EIF3B: variants seen among roughly 807,000 people sequenced by gnomAD.
EIF3B encodes eukaryotic translation initiation factor 3 subunit B.
In EIF3B, 10 loss-of-function variants were observed where a neutral mutation model predicts 104.6. That is an observed-to-expected ratio of 0.10 (90% CI 0.06 to 0.16). The LOEUF (loss-of-function observed/expected upper bound fraction) is 0.16. Ranked by LOEUF, EIF3B falls within the 10% of genes least tolerant of loss-of-function variation. The pLI, the probability that EIF3B is intolerant of heterozygous loss-of-function variation, is 1.00. For missense variants in EIF3B, 1,014 were observed against 1,087.9 expected (o/e 0.93, Z 0.96); for synonymous variants, 542 against 417.2 (o/e 1.30, Z -3.65).
At position 2,355,268 on chromosome 7, in the gene EIF3B, G is replaced by A. The variant is rs1400912902; in HGVS notation, c.347G>A (p.Arg116His). The A allele has an allele frequency of 8.5e-6, 13 of 1,531,752 alleles. No homozygotes were observed. Among genetic ancestry groups the A allele is most frequent in the African/African-American group, 1.4e-5 (1 of 72,290 alleles). The allele number at this position is 1,531,752 out of a possible 1,614,324, so 94.9% of individuals were successfully genotyped here. A position where few individuals can be genotyped will look rare whatever the true frequency, so the allele number is the denominator to read the frequency against. Residue 116 changes from arginine (R) to histidine (H), a missense_variant, in exon 1 of 19, where the codon CGC (arginine) becomes CAC (histidine). By Grantham distance (29) the Arg-to-His change is conservative. Coordinates refer to ENST00000360876, the MANE Select transcript of EIF3B (RefSeq NM_001037283.2). Reference protein sequence around the residue: ...EAPGEQARDERSDSRAQAVSE... With the variant: ...EAPGEQARDEHSDSRAQAVSE... ...CCAGGAGAGCAGGCTCGGGACGAGC[G>A]CTCCGACAGCCGGGCCCAGGCGGTG...
chr7:2,369,916 A>G (rs1347554366), intron 10 of EIF3B, among the ~76,000 whole-genome samples: 1 of 151,450 alleles, frequency 6.6e-6, no homozygotes. Flanking sequence ...AGCTGGGACT[A>G]TAGGCGTCCA....
intron 10 of EIF3B, among the ~76,000 whole-genome samples, chr7:2,370,568 C>T (rs1583170853): frequency 2.0e-5 from 3 of 152,112 alleles, no homozygotes; most frequent in South Asian, 4.1e-4. Flanking sequence ...ACATGTAGTT[C>T]ACATGCCTGA....
chr7:2,366,135 G>T (rs956904188), intron 6 of EIF3B, among the ~76,000 whole-genome samples, 182 bp from the exon 7 acceptor site: 1 of 152,130 alleles, frequency 6.6e-6, no homozygotes, highest in Non-Finnish European at 1.5e-5. Flanking sequence ...GCAGCGTATT[G>T]ACACCAGAAT....
At chr7:2,375,718 GAGC>G (rs1441992987) in intron 14 of EIF3B, among the ~76,000 whole-genome samples, 191 bp downstream of exon 14, 1 of 152,176 alleles carries the variant, frequency 6.6e-6, no homozygotes, top group Non-Finnish European at 1.5e-5. Context: ...CCGAGTGCAG[GAGC>G]AGCCCCTGCT....
chr7:2,364,433 A>G lies in EIF3B; in HGVS notation c.1061A>G (p.Gln354Arg), dbSNP rs764542868. The change falls in exon 6 of 19, where the codon CAA becomes CGA. Residue 354 changes from glutamine to arginine, a missense_variant. Transcript: ENST00000360876. Reference protein sequence around the residue: ...PKGTYLATFHQRGIALWGGEK... With the variant: ...PKGTYLATFHRRGIALWGGEK... ...GGCACCTACCTGGCTACCTTTCATCAAAGAGGCATTGCTCTATGGGGGGGA... is the reference window on the plus strand; with the variant it reads ...GGCACCTACCTGGCTACCTTTCATCGAAGAGGCATTGCTCTATGGGGGGGA... 3 of 1,613,318 alleles carry G rather than the reference A, an allele frequency of 1.9e-6. No homozygotes were observed. The highest frequency in any genetic ancestry group is 1.3e-5 in the African/African-American group (1 of 75,012).
chr7:2,375,413 G>A lies in EIF3B; in HGVS notation c.1914G>A (p.Val638=), dbSNP rs1457597804. The change falls in exon 14 of 19, where the codon GTG becomes GTA. Residue 638 remains valine (V), a synonymous_variant. Coordinates refer to ENST00000360876, the MANE Select transcript of EIF3B (RefSeq NM_001037283.2). The part of the protein sequence containing the change: ...LRSMNGALAF[V]DTSDCTVMNI... Reference sequence around the variant, plus strand: ...GTATGAACGGTGCCTTAGCGTTTGTGGACACTTCGGACTGCACGGTCATGA... The same window carrying A: ...GTATGAACGGTGCCTTAGCGTTTGTAGACACTTCGGACTGCACGGTCATGA... 6.2e-7 allele frequency: 1 copy of A among 1,614,158 alleles called. No individual in the cohort carries two copies. Among genetic ancestry groups the A allele is most frequent in the Admixed American group, 1.7e-5 (1 of 60,024 alleles).
At chr7:2,367,550 A>C (rs1002830591) in intron 9 of EIF3B, among the ~76,000 whole-genome samples, 1 of 151,880 alleles carries the variant, frequency 6.6e-6, no homozygotes, top group Non-Finnish European at 1.5e-5. Flanking sequence ...GCTCGCTGCA[A>C]CCTCCACCTC....
chr7:2,375,715 C>G (rs1780595080), intron 14 of EIF3B, among the ~76,000 whole-genome samples, 188 bp downstream of exon 14: 1 of 152,148 alleles, frequency 6.6e-6, no homozygotes, highest in African/African-American at 2.4e-5. Flanking sequence ...GCGCCGAGTG[C>G]AGGAGCAGCC....
intron 3 of EIF3B, 116 bp from the exon 4 acceptor site, chr7:2,362,954 A>C (rs1779819157): frequency 1.4e-6 from 2 of 1,454,098 alleles, no homozygotes; most frequent in East Asian, 4.6e-5. Flanking sequence ...CTGTTATGCC[A>C]GTCACAGCCC....
intron 10 of EIF3B, 81 bp downstream of exon 10, chr7:2,369,763 GGA>G: frequency 1.6e-6 from 1 of 632,184 alleles, no homozygotes; most frequent in Non-Finnish European, 2.5e-6. Flanking sequence ...GGGTGTTAAT[GGA>G]TTTTTTTTTT....
At chr7:2,368,154 C>A (rs973059168) in intron 9 of EIF3B, among the ~76,000 whole-genome samples, 3 of 151,348 alleles carry the variant, frequency 2.0e-5, no homozygotes, top group African/African-American at 7.3e-5. Flanking sequence ...ATTTTTAAAT[C>A]TTTTTTGAGA....
At chr7:2,374,775 A>G (rs989367142) in intron 13 of EIF3B, 169 bp downstream of exon 13, 17 of 581,238 alleles carry the variant, frequency 2.9e-5, no homozygotes, top group Non-Finnish European at 4.5e-5. Flanking sequence ...GACCCACGGT[A>G]CTCCAGGACT....
chr7:2,356,459 G>A (rs1425076613), intron 1 of EIF3B, among the ~76,000 whole-genome samples: 1 of 152,086 alleles, frequency 6.6e-6, no homozygotes, highest in South Asian at 2.1e-4. Flanking sequence ...AAAATTAGCC[G>A]GGCGTGGTGG....
intron 5 of EIF3B, among the ~76,000 whole-genome samples, chr7:2,364,057 T>A (rs1583159632): frequency 6.6e-6 from 1 of 152,046 alleles, no homozygotes; most frequent in Admixed American, 6.6e-5. Context: ...GTCAGGAGAT[T>A]GAGACCATCC....
In EIF3B at chr7:2,362,687, T is replaced by C. The variant is rs756024372; in HGVS notation, c.735T>C (p.Asp245=). 2 of 1,614,118 alleles carry C rather than the reference T, an allele frequency of 1.2e-6. No homozygotes were observed. Among genetic ancestry groups the C allele is most frequent in the African/African-American group, 2.7e-5 (2 of 74,940 alleles). The change falls in exon 3 of 19, where the codon GAT becomes GAC. Residue 245 remains aspartate (D), a synonymous_variant. Coordinates refer to ENST00000360876, the MANE Select transcript of EIF3B (RefSeq NM_001037283.2). ...LEYASPAHAV[D]AVKNADGYKL... is the part of the protein sequence containing the mutation. ...ACGCGTCCCCTGCCCACGCTGTGGA[T>C]GCTGTGAAGAACGCCGACGGCTACA...
chr7:2,379,209 G>A lies in EIF3B; in HGVS notation c.2308G>A (p.Glu770Lys). Residue 770 changes from glutamate to lysine, a missense_variant, in exon 17 of 19, where the codon GAG becomes AAG. By Grantham distance (56) the Glu-to-Lys change is moderately conservative (BLOSUM62 1). Transcript: ENST00000360876. ...YRKMAQELYM[E>K]QKNERLELRG... Reference sequence around the variant, plus strand: ...GAAAATGGCCCAGGAGCTCTATATGGAGCAGAAAAACGAGCGCCTGGAGTT... The same window carrying A: ...GAAAATGGCCCAGGAGCTCTATATGAAGCAGAAAAACGAGCGCCTGGAGTT... The A allele has an allele frequency of 6.2e-7, 1 of 1,613,610 alleles. No homozygotes were observed. The highest frequency in any genetic ancestry group is 8.5e-7 in the Non-Finnish European group (1 of 1,179,822).
At chr7:2,371,384 T>G (rs962142367) in intron 10 of EIF3B, among the ~76,000 whole-genome samples, 1 of 152,212 alleles carries the variant, frequency 6.6e-6, no homozygotes, top group Non-Finnish European at 1.5e-5. Flanking sequence ...TTCTTGAAGG[T>G]TATGGCTACA....
Position 2,368,131 on chromosome 7 carries a change from A to C in EIF3B, c.1403+1086A>C, listed in dbSNP as rs190702567. Among the ~76,000 whole-genome samples, 216 of 151,778 alleles carry C rather than the reference A, an allele frequency of 1.4e-3. 4 individuals are homozygous for C. In the South Asian group the frequency reaches 0.02, roughly 14 times the overall value. On this transcript the variant is annotated intron_variant, in intron 9 of 18. Transcript: ENST00000360876. ...AGTGCTGGGATTACTGGCGTGAGCC[A>C]CCACACCCAGCCATTTTTAAATCTT...
chr7:2,360,564 A>G, intron 1 of EIF3B, 146 bp from the exon 2 acceptor site: 1 of 623,374 alleles, frequency 1.6e-6, no homozygotes. Flanking sequence ...AATCTGAAAC[A>G]AGCTAGGGTT....
Sources: allele counts gnomAD v4.1 joint callset (sites outside exome capture counted in the v4.1 genomes callset), GRCh38; gene constraint gnomAD v4.1.1; transcripts MANE v1.5; gene names NCBI Gene and HGNC (gene_info 2026-07-23, HGNC 2026-07-21).